Variants in ATP9B observed in about 807,000 individuals in gnomAD.
ATP9B encodes the protein probable phospholipid-transporting ATPase IIB.
ATP9B carries 110 observed loss-of-function variants against 146.1 expected under a neutral mutation model. The observed-to-expected ratio is 0.75, with a 90% CI of 0.65 to 0.88. The LOEUF (loss-of-function observed/expected upper bound fraction) is 0.88, where lower values mean the gene tolerates loss of function less well. ATP9B is among the 40% of genes least tolerant of loss of function. ATP9B has a pLI of 0.00. For synonymous variants in ATP9B, 604 were observed against 569.7 expected (o/e 1.06, Z -0.86); for missense variants, 1,499 against 1,496.4 (o/e 1.00, Z -0.03).
intron 11 of ATP9B, among the ~76,000 whole-genome samples, chr18:79,247,064 C>T (rs1272941368): frequency 6.6e-6 from 1 of 152,128 alleles, no homozygotes; most frequent in Non-Finnish European, 1.5e-5. Context: ...TTAAATATGG[C>T]TTTGATGTAT....
chr18:79,263,173 G>C (rs2096162616), intron 12 of ATP9B, among the ~76,000 whole-genome samples: 1 of 152,036 alleles, frequency 6.6e-6, no homozygotes, highest in Non-Finnish European at 1.5e-5. Context: ...TTAACTTCTT[G>C]CTTTTCCTAA....
intron 8 of ATP9B, among the ~76,000 whole-genome samples, chr18:79,184,511 T>TA (rs1055978838): frequency 2.0e-5 from 3 of 152,198 alleles, no homozygotes; most frequent in Non-Finnish European, 4.4e-5. Flanking sequence ...GGTTTTTTTT[T>TA]ATGTTGTGAA....
chr18:79,324,955 G>A (rs2096736031), intron 15 of ATP9B, among the ~76,000 whole-genome samples: 1 of 152,236 alleles, frequency 6.6e-6, no homozygotes, highest in Non-Finnish European at 1.5e-5. Flanking sequence ...GTTTTGAAGT[G>A]TGTTCAGCAG....
intron 1 of ATP9B, chr18:79,087,231 G>A (rs1467801539): frequency 6.6e-6 from 1 of 152,212 alleles, no homozygotes; most frequent in African/African-American, 2.4e-5. Flanking sequence ...GCATCATGAG[G>A]GCGGAACTAT....
chr18:79,290,834 C>T (rs2096496233), intron 13 of ATP9B, among the ~76,000 whole-genome samples: 1 of 152,188 alleles, frequency 6.6e-6, no homozygotes, highest in Non-Finnish European at 1.5e-5. Context: ...ATGTGTCTTA[C>T]TTTGTTTAAC....
At chr18:79,242,457 A>G (rs2095898926) in intron 11 of ATP9B, among the ~76,000 whole-genome samples, 1 of 152,238 alleles carries the variant, frequency 6.6e-6, no homozygotes, top group South Asian at 2.1e-4. Flanking sequence ...GTTTCCCTAC[A>G]TACTGTGGCT....
chr18:79,312,070 T>C (rs541940268), intron 15 of ATP9B, among the ~76,000 whole-genome samples: 348 of 152,326 alleles, frequency 2.3e-3, no homozygotes, highest in South Asian at 6.4e-3. Flanking sequence ...GTCATTCCCA[T>C]GCACAGCGTT....
chr18:79,370,143 T>G (rs1228875848), intron 26 of ATP9B, among the ~76,000 whole-genome samples: 4 of 152,238 alleles, frequency 2.6e-5, no homozygotes, highest in Admixed American at 6.5e-5. Flanking sequence ...ATTTTATTTT[T>G]TACAATTTTT....
chr18:79,095,677 G>A (rs2074723808), intron 1 of ATP9B: 1 of 152,186 alleles, frequency 6.6e-6, no homozygotes. Flanking sequence ...TTGAGACAAT[G>A]CCTCCACAAA....
At chr18:79,234,817 T>C (rs907361976) in intron 11 of ATP9B, among the ~76,000 whole-genome samples, 1 of 152,352 alleles carries the variant, frequency 6.6e-6, no homozygotes. Context: ...GCTCTATGTA[T>C]AAGATTTCCT....
chr18:79,317,790 T>C (rs369754378), intron 15 of ATP9B, among the ~76,000 whole-genome samples: 2 of 152,280 alleles, frequency 1.3e-5, no homozygotes, highest in Admixed American at 6.5e-5. Flanking sequence ...GGCCATTGCA[T>C]GGTAGAATGC....
chr18:79,232,122 C>T (rs1302245814), intron 11 of ATP9B, among the ~76,000 whole-genome samples: 1 of 152,100 alleles, frequency 6.6e-6, no homozygotes, highest in Non-Finnish European at 1.5e-5. Flanking sequence ...AAAGACCTTA[C>T]CAGGTCTGTC....
chr18:79,217,650 A>T (rs1031023121), intron 11 of ATP9B, among the ~76,000 whole-genome samples: 1 of 152,224 alleles, frequency 6.6e-6, no homozygotes, highest in African/African-American at 2.4e-5. Flanking sequence ...ATCCAGGGGA[A>T]GCCTCGGTAT....
At chr18:79,086,975 T>C (rs2073897455) in intron 1 of ATP9B, among the ~76,000 whole-genome samples, 1 of 152,324 alleles carries the variant, frequency 6.6e-6, no homozygotes, top group South Asian at 2.1e-4. Context: ...TCTTAGTTCA[T>C]TTTGTGCTGC....
At chr18:79,274,773 T>C (rs2096289518) in intron 12 of ATP9B, among the ~76,000 whole-genome samples, 1 of 152,222 alleles carries the variant, frequency 6.6e-6, no homozygotes, top group Non-Finnish European at 1.5e-5. Flanking sequence ...CACCTTTTCA[T>C]GAGTAGCTAC....
rs145755211 is a variant in ATP9B, at chr18:79,210,941, A to G, written c.1031-3021A>G. 2.4e-3 allele frequency among the ~76,000 whole-genome samples: 364 copies of G among 152,306 alleles called. 2 individuals are homozygous for G. Among genetic ancestry groups the G allele is most frequent in the South Asian group, 6.4e-3 (31 of 4,816 alleles). On this transcript the variant is annotated intron_variant, in intron 10 of 29. Coordinates refer to ENST00000426216, the MANE Select transcript of ATP9B (RefSeq NM_198531.5). ...CATTTCACATCATTTTGATTTGATA[A>G]CTTAAGGCCATTAATTGTTTTGTTA...
chr18:79,270,848 C>A (rs2096246830), intron 12 of ATP9B, among the ~76,000 whole-genome samples: 1 of 152,170 alleles, frequency 6.6e-6, no homozygotes. Context: ...GGCACAGGCC[C>A]CTCTGTGTAT....
chr18:79,140,138 C>T (rs1481706971), intron 5 of ATP9B, among the ~76,000 whole-genome samples: 2 of 151,968 alleles, frequency 1.3e-5, no homozygotes, highest in Non-Finnish European at 2.9e-5. Flanking sequence ...GATTTCAATC[C>T]AAGGGAGCAA....
chr18:79,145,924 A>G (rs373742900), intron 6 of ATP9B: 4 of 86,018 alleles, frequency 4.7e-5, no homozygotes, highest in South Asian at 2.0e-4. Context: ...CTGAAGGTGC[A>G]GGCTGCATGT....
Sources: gnomAD v4.1 joint callset for allele counts (sites outside exome capture counted in the v4.1 genomes callset) on GRCh38, gnomAD v4.1.1 for gene constraint, MANE v1.5 for transcripts, NCBI Gene and HGNC (gene_info 2026-07-23, HGNC 2026-07-21) for gene names.